Variants in GPLD1 observed in about 807,000 individuals in gnomAD.
The protein encoded by GPLD1 is phosphatidylinositol-glycan-specific phospholipase D.
GPLD1 carries 84 observed loss-of-function variants against 112.6 expected under a neutral mutation model. That is an observed-to-expected ratio of 0.75 (90% confidence interval 0.63 to 0.89). The LOEUF is 0.89. Ranked by LOEUF, GPLD1 falls within the 40% of genes least tolerant of loss-of-function variation. The pLI, the probability that GPLD1 is intolerant of heterozygous loss-of-function variation, is 0.00. For synonymous variants in GPLD1, 386 were observed against 403.8 expected, an observed-to-expected ratio of 0.96 and a Z score of 0.53; for missense variants, 1,044 against 1,051.5, an observed-to-expected ratio of 0.99 and a Z score of 0.10.
intron 2 of GPLD1, 57 bp from the exon 3 acceptor site, chr6:24,480,016 T>C (rs1359863261): frequency 3.9e-6 from 4 of 1,029,730 alleles, no homozygotes; most frequent in East Asian, 4.7e-5. Context: ...CTGGGGAGTA[T>C]AGGCCCCACC....
At chr6:24,451,623 A>C (rs1462683907) in intron 14 of GPLD1, among the ~76,000 whole-genome samples, 1 of 152,242 alleles carries the variant, frequency 6.6e-6, no homozygotes, top group Non-Finnish European at 1.5e-5. Context: ...GGCATGAGCC[A>C]CCGCGCCCGG....
intron 10 of GPLD1, among the ~76,000 whole-genome samples, chr6:24,465,063 GGTGAGTACCTGTA>G (rs1437552224): frequency 2.0e-5 from 3 of 151,914 alleles, no homozygotes; most frequent in Non-Finnish European, 4.4e-5. Context: ...CAGGTGTAGT[GGTGAGTACCTGTA>G]GTCATAACTA....
At chr6:24,442,078 A>T (rs1244814108) in intron 20 of GPLD1, among the ~76,000 whole-genome samples, 1 of 149,442 alleles carries the variant, frequency 6.7e-6, no homozygotes, top group Non-Finnish European at 1.5e-5. Context: ...ATAAATTAGC[A>T]TATTATATAC....
intron 15 of GPLD1, 43 bp downstream of exon 15, chr6:24,449,746 T>C (rs1320723631): frequency 7.3e-7 from 1 of 1,375,596 alleles, no homozygotes; most frequent in Admixed American, 1.8e-5. Context: ...GTCCCCTCCC[T>C]GCCACCCCAT....
chr6:24,474,543 T>A (rs9467190), intron 5 of GPLD1, among the ~76,000 whole-genome samples: 37,069 of 152,148 alleles, frequency 0.24, 6,777 homozygotes, highest in African/African-American at 0.51. Flanking sequence ...GATTTATCAA[T>A]TATTTTTGTG....
chr6:24,462,807 G>C lies in GPLD1; in HGVS notation c.822-12C>G. ...GCAGGTTGCAGTCACTGAGGAAACA[G>C]TCAAATGAGTTAGCCATTTATCTAC... On this transcript the variant is annotated splice_polypyrimidine_tract_variant and intron_variant, in intron 10 of 24. Coordinates refer to ENST00000230036, the MANE Select transcript of GPLD1 (RefSeq NM_001503.4). The C allele has an allele frequency of 1.3e-6, 2 of 1,590,844 alleles. No homozygotes were observed. The highest frequency in any genetic ancestry group is 1.7e-6 in the Non-Finnish European group (2 of 1,158,926).
intron 10 of GPLD1, 89 bp downstream of exon 10, chr6:24,466,591 G>A: frequency 1.0e-6 from 1 of 972,966 alleles, no homozygotes; most frequent in Non-Finnish European, 1.6e-6. Context: ...TTGTTTTTAT[G>A]TGATCAGTTG....
intron 5 of GPLD1, 75 bp from the exon 6 acceptor site, chr6:24,473,742 T>A: frequency 1.1e-6 from 1 of 912,458 alleles, no homozygotes; most frequent in Non-Finnish European, 1.8e-6. Flanking sequence ...GTCAAGCAAG[T>A]GGTGGGAGAT....
chr6:24,487,431 C>G (rs909293159), intron 1 of GPLD1, among the ~76,000 whole-genome samples: 6 of 152,148 alleles, frequency 3.9e-5, no homozygotes, highest in Non-Finnish European at 7.3e-5. Flanking sequence ...AAATATTATT[C>G]TTTAAATGTC....
At chr6:24,429,820 T>G (rs1762347737) in intron 24 of GPLD1, among the ~76,000 whole-genome samples, 1 of 152,212 alleles carries the variant, frequency 6.6e-6, no homozygotes, top group Non-Finnish European at 1.5e-5. Flanking sequence ...AGTGCTGAAA[T>G]TACAGATGTG....
At chr6:24,463,306 A>C (rs1763495941) in intron 10 of GPLD1, among the ~76,000 whole-genome samples, 1 of 152,236 alleles carries the variant, frequency 6.6e-6, no homozygotes, top group Non-Finnish European at 1.5e-5. Flanking sequence ...GCTTTCCCCC[A>C]ACACTGAACA....
upstream of GPLD1, among the ~76,000 whole-genome samples, chr6:24,489,985 G>A (rs1232627672): frequency 6.6e-6 from 1 of 152,172 alleles, no homozygotes; most frequent in East Asian, 1.9e-4. Context: ...AGGCTGTCCT[G>A]CTTCCTCCGC....
chr6:24,430,889 T>G (rs1163136959), intron 24 of GPLD1, among the ~76,000 whole-genome samples: 2 of 152,162 alleles, frequency 1.3e-5, no homozygotes, highest in African/African-American at 4.8e-5. Flanking sequence ...GGAAGGTACA[T>G]TTGCAGTGTT....
intron 14 of GPLD1, among the ~76,000 whole-genome samples, chr6:24,451,496 A>G (rs1217640456): frequency 6.6e-6 from 1 of 152,026 alleles, no homozygotes; most frequent in African/African-American, 2.4e-5. Context: ...ATGCCACCAC[A>G]TCTGGCTAAT....
chr6:24,471,765 G>A (rs1763831297), intron 7 of GPLD1, among the ~76,000 whole-genome samples: 1 of 152,104 alleles, frequency 6.6e-6, no homozygotes, highest in Non-Finnish European at 1.5e-5. Flanking sequence ...TGTTGCCCAG[G>A]CTGGAGTGCA....
chr6:24,451,366 G>A (rs1344050609), intron 14 of GPLD1, among the ~76,000 whole-genome samples: 2 of 151,964 alleles, frequency 1.3e-5, no homozygotes, highest in Non-Finnish European at 2.9e-5. Context: ...TTTTGAGATG[G>A]AGTTTCGCTC....
chr6:24,466,099 C>A (rs915627181), intron 10 of GPLD1, among the ~76,000 whole-genome samples: 1 of 152,246 alleles, frequency 6.6e-6, no homozygotes, highest in Non-Finnish European at 1.5e-5. Context: ...AATCCCAGCA[C>A]TTTGGGAGAC....
At position 24,454,152 on chromosome 6, in the gene GPLD1, C is replaced by A; in HGVS notation, c.1198G>T (p.Val400Leu). 1 of 1,613,908 alleles carries A rather than the reference C, an allele frequency of 6.2e-7. No homozygotes were observed. The highest frequency in any genetic ancestry group is 8.5e-7 in the Non-Finnish European group (1 of 1,179,908). The change falls in exon 14 of 25, where the codon GTG becomes TTG. Residue 400 changes from valine (V) to leucine (L), a missense_variant. Coordinates refer to ENST00000230036, the MANE Select transcript of GPLD1 (RefSeq NM_001503.4). ...LNQDGHGDLV[V>L]GAPGYSRPGH... ...GGGCGGCTGTAGCCTGGTGCGCCCACCACGAGGTCACCGTGCCCATCCTGG... is the reference window on the plus strand; with the variant it reads ...GGGCGGCTGTAGCCTGGTGCGCCCAACACGAGGTCACCGTGCCCATCCTGG...
upstream of GPLD1, among the ~76,000 whole-genome samples, chr6:24,490,096 A>C (rs574796750): frequency 1.3e-5 from 2 of 152,328 alleles, no homozygotes; most frequent in East Asian, 3.9e-4. Flanking sequence ...ATGGGATTAC[A>C]CAAGAGCAGC....
Sources: gnomAD v4.1 joint callset for allele counts (sites outside exome capture counted in the v4.1 genomes callset) on GRCh38, gnomAD v4.1.1 for gene constraint, MANE v1.5 for transcripts, NCBI Gene and HGNC (gene_info 2026-07-23, HGNC 2026-07-21) for gene names.